Variants in CNBD1 observed in about 807,000 individuals in gnomAD.
CNBD1 encodes the protein cyclic nucleotide-binding domain-containing protein 1.
A neutral mutation model predicts 54.4 loss-of-function variants in CNBD1; 71 were observed. That is an observed-to-expected ratio of 1.30 (90% CI 1.08 to 1.59). The LOEUF (loss-of-function observed/expected upper bound fraction) is 1.59, where lower values mean the gene tolerates loss of function less well. CNBD1 is among the 40% of genes most tolerant of loss of function. The pLI is 0.00. For synonymous variants in CNBD1, 182 were observed against 170.7 expected, an observed-to-expected ratio of 1.07 and a Z score of -0.51; for missense variants, 659 against 518.0, an observed-to-expected ratio of 1.27 and a Z score of -2.64.
chr8:87,358,252 A>G lies in CNBD1; in HGVS notation c.1303+4466A>G, dbSNP rs190408354. 9.8e-5 allele frequency among the ~76,000 whole-genome samples: 15 copies of G among 152,338 alleles called. No homozygotes were observed. In the East Asian group the frequency reaches 2.9e-3, roughly 29 times the overall value. Reference sequence around the variant, plus strand: ...GTGTTACCAATACTTGCATAACACTAACTCAAAATGAAAAAAATTAATTCA... The same window carrying G: ...GTGTTACCAATACTTGCATAACACTGACTCAAAATGAAAAAAATTAATTCA... On this transcript the variant is annotated intron_variant, in intron 10 of 10. Transcript: ENST00000518476.
At chr8:87,291,139 G>A (rs919094311) in intron 8 of CNBD1, among the ~76,000 whole-genome samples, 2 of 152,110 alleles carry the variant, frequency 1.3e-5, no homozygotes, top group Non-Finnish European at 2.9e-5. Flanking sequence ...CTTTAATGTA[G>A]TTTGAAAGGA....
chr8:87,318,911 C>G (rs1187886298), intron 8 of CNBD1, among the ~76,000 whole-genome samples: 1 of 151,834 alleles, frequency 6.6e-6, no homozygotes, highest in Non-Finnish European at 1.5e-5. Context: ...AGACTGATAG[C>G]CAAACTTGTA....
chr8:87,174,636 T>C (rs979873097), intron 4 of CNBD1, among the ~76,000 whole-genome samples: 1 of 152,198 alleles, frequency 6.6e-6, no homozygotes, highest in African/African-American at 2.4e-5. Flanking sequence ...TGCCTGTTGA[T>C]ATTTGTTGGT....
At chr8:87,221,425 A>C (rs1814335528) in intron 5 of CNBD1, among the ~76,000 whole-genome samples, 1 of 152,064 alleles carries the variant, frequency 6.6e-6, no homozygotes. Context: ...GAAGTCCATC[A>C]AGTACTCCAT....
intron 2 of CNBD1, among the ~76,000 whole-genome samples, chr8:87,425,854 G>C (rs1455644415): frequency 3.9e-5 from 6 of 152,064 alleles, no homozygotes; most frequent in Non-Finnish European, 7.4e-5. Context: ...CACCCAGTTC[G>C]AGCTTCCCAG....
intron 1 of CNBD1, among the ~76,000 whole-genome samples, chr8:86,883,530 G>A (rs1214143790): frequency 6.6e-6 from 1 of 152,128 alleles, no homozygotes; most frequent in Non-Finnish European, 1.5e-5. Flanking sequence ...AATGCTTAAC[G>A]GAAGAAGATA....
chr8:87,223,318 G>A (rs1168774457), intron 5 of CNBD1, among the ~76,000 whole-genome samples: 2 of 150,962 alleles, frequency 1.3e-5, no homozygotes, highest in African/African-American at 2.4e-5. Flanking sequence ...GTATACATGT[G>A]CCATGCTGGT....
At chr8:87,336,976 G>C (rs909744103) in intron 8 of CNBD1, among the ~76,000 whole-genome samples, 1 of 152,054 alleles carries the variant, frequency 6.6e-6, no homozygotes, top group Non-Finnish European at 1.5e-5. Context: ...GCTGCGGTTT[G>C]CTGGGGGTTC....
intron 4 of CNBD1, among the ~76,000 whole-genome samples, chr8:86,968,798 G>T (rs1196093751): frequency 2.0e-5 from 3 of 152,116 alleles, no homozygotes; most frequent in African/African-American, 4.8e-5. Flanking sequence ...TTTTTTGTAA[G>T]ACAACATAGA....
intron 8 of CNBD1, among the ~76,000 whole-genome samples, chr8:87,295,615 A>G (rs1035917921): frequency 2.6e-5 from 4 of 152,080 alleles, no homozygotes; most frequent in African/African-American, 9.7e-5. Context: ...AGCTCTTTAT[A>G]GAGCTCTTTT....
chr8:86,926,357 A>T (rs1809361220), intron 3 of CNBD1, among the ~76,000 whole-genome samples: 1 of 152,138 alleles, frequency 6.6e-6, no homozygotes, highest in Non-Finnish European at 1.5e-5. Flanking sequence ...GGGTCGGTCC[A>T]GGTGTCCTCA....
chr8:86,879,397 T>C (rs1346979950), intron 1 of CNBD1, among the ~76,000 whole-genome samples: 2 of 152,238 alleles, frequency 1.3e-5, no homozygotes, highest in South Asian at 2.1e-4. Context: ...AAGAGCACAA[T>C]GGAAAAGACA....
At chr8:87,058,415 CTGTG>C (rs1417633807) in intron 4 of CNBD1, among the ~76,000 whole-genome samples, 2 of 152,196 alleles carry the variant, frequency 1.3e-5, no homozygotes, top group Non-Finnish European at 2.9e-5. Context: ...AGTTGGGACT[CTGTG>C]TGGGGATTCC....
intron 1 of CNBD1, among the ~76,000 whole-genome samples, chr8:86,870,379 A>G (rs935822204): frequency 1.3e-5 from 2 of 151,546 alleles, no homozygotes; most frequent in Non-Finnish European, 2.9e-5. Context: ...GTATTTTTTT[A>G]GTAGAGACGG....
chr8:87,130,087 C>T (rs2915531), intron 4 of CNBD1, among the ~76,000 whole-genome samples: 34,813 of 151,936 alleles, frequency 0.23, 4,372 homozygotes, highest in Non-Finnish European at 0.28. Flanking sequence ...AGGCCTGCCC[C>T]CATGATTCAA....
intron 1 of CNBD1, among the ~76,000 whole-genome samples, chr8:86,872,550 A>G (rs548016274): frequency 3.3e-5 from 5 of 152,242 alleles, no homozygotes; most frequent in South Asian, 2.1e-4. Flanking sequence ...ATTCTCACCA[A>G]CAGTATATCA....
intron 10 of CNBD1, among the ~76,000 whole-genome samples, chr8:87,358,439 C>G (rs1329978817): frequency 6.6e-6 from 1 of 151,960 alleles, no homozygotes; most frequent in Admixed American, 6.6e-5. Flanking sequence ...AATATTTTTT[C>G]TTTTCCTATA....
chr8:87,138,737 G>T (rs1056071106), intron 4 of CNBD1, among the ~76,000 whole-genome samples: 3 of 152,148 alleles, frequency 2.0e-5, no homozygotes, highest in Admixed American at 6.6e-5. Flanking sequence ...CTGTCTTGGG[G>T]ACTGTTGTCC....
intron 2 of CNBD1, among the ~76,000 whole-genome samples, chr8:87,426,571 T>G (rs1469319721): frequency 6.6e-6 from 1 of 152,228 alleles, no homozygotes; most frequent in African/African-American, 2.4e-5. Context: ...ACTTTTACTT[T>G]TTTATCAAGC....
Sources: allele counts gnomAD v4.1 joint callset (sites outside exome capture counted in the v4.1 genomes callset), GRCh38; gene constraint gnomAD v4.1.1; transcripts MANE v1.5; gene names NCBI Gene and HGNC (gene_info 2026-07-23, HGNC 2026-07-21).